Variants in DENND3 observed in about 807,000 individuals in gnomAD.
The protein encoded by DENND3 is DENN domain containing 3.
In DENND3, 88 loss-of-function variants were observed where a neutral mutation model predicts 135.1. The observed-to-expected ratio is 0.65, with a 90% confidence interval of 0.55 to 0.78. DENND3 has a LOEUF of 0.78. Among genes scored for constraint, DENND3 ranks in the 30% least tolerant of loss-of-function variants. The pLI, the probability that DENND3 is intolerant of heterozygous loss-of-function variation, is 0.00. For missense variants in DENND3, 1,392 were observed against 1,688.4 expected, an observed-to-expected ratio of 0.82 and a Z score of 3.08; for synonymous variants, 693 against 712.3, an observed-to-expected ratio of 0.97 and a Z score of 0.43.
intron 8 of DENND3, chr8:141,158,079 T>C (rs570766360): frequency 1.6e-6 from 2 of 1,232,840 alleles, no homozygotes; most frequent in Admixed American, 2.9e-5. Flanking sequence ...CCTTTATTAT[T>C]GTTCTTGCAT....
At chr8:141,184,557 A>G (rs190125651) in intron 17 of DENND3, 2 of 152,332 alleles carry the variant, frequency 1.3e-5, no homozygotes, top group Non-Finnish European at 2.9e-5. Context: ...ACAAGAGGGC[A>G]TGGGGATGGC....
intron 4 of DENND3, among the ~76,000 whole-genome samples, chr8:141,143,264 G>GT (rs200310762): frequency 2.0e-5 from 3 of 152,024 alleles, no homozygotes; most frequent in Non-Finnish European, 2.9e-5. Flanking sequence ...AGTATGGGTA[G>GT]TTTTTTTTAA....
intron 16 of DENND3, among the ~76,000 whole-genome samples, chr8:141,180,221 C>T (rs1403329938): frequency 4.6e-5 from 7 of 152,228 alleles, no homozygotes; most frequent in Non-Finnish European, 1.0e-4. Flanking sequence ...TCTCATGATG[C>T]TCCACATCCC....
chr8:141,171,755 T>A (rs1380605621), intron 13 of DENND3, among the ~76,000 whole-genome samples: 1 of 150,896 alleles, frequency 6.6e-6, no homozygotes, highest in Admixed American at 6.6e-5. Context: ...TAGCCATAGG[T>A]GTGCACAGCG....
chr8:141,190,459 C>G lies in DENND3; in HGVS notation c.3379+42C>G, dbSNP rs188271885. The G allele has an allele frequency of 8.1e-4, 1,260 of 1,555,626 alleles. 11 individuals carry two copies. The African/African-American group carries it at 0.016, about 19-fold the overall frequency. The stretch of plus-strand genomic sequence containing the variant: ...CCATCAGAGCGGGCACCCTACCTCC[C>G]TGCTCTGGGAAAAGGATGCTGAACG... On this transcript the variant is annotated intron_variant, in intron 20 of 22. Coordinates refer to ENST00000519811, the MANE Select transcript of DENND3 (RefSeq NM_001352890.3).
chr8:141,191,978 C>T (rs1447404038), intron 20 of DENND3: 2 of 187,246 alleles, frequency 1.1e-5, no homozygotes, highest in East Asian at 2.7e-4. Flanking sequence ...TATGATACTG[C>T]TTCATGGATA....
At chr8:141,193,010 C>A (rs1824981569) in intron 22 of DENND3, 12 of 768,666 alleles carry the variant, frequency 1.6e-5, no homozygotes, top group Non-Finnish European at 2.2e-5. Flanking sequence ...GCACTCCAGG[C>A]CCTTCTCTCC....
chr8:141,183,287 T>G (rs1340057628), intron 17 of DENND3, among the ~76,000 whole-genome samples: 1 of 152,198 alleles, frequency 6.6e-6, no homozygotes, highest in Non-Finnish European at 1.5e-5. Flanking sequence ...GGTCTGACTC[T>G]GTCACCCAGG....
chr8:141,175,784 C>T lies in DENND3; in HGVS notation c.2535+325C>T, dbSNP rs893341154. On this transcript the variant is annotated intron_variant, in intron 14 of 22. Transcript: ENST00000519811. This position sits in a 1 kb window ranked among gnomAD's most constrained non-coding sequence, Gnocchi z 5.4. ...CTCATTAGGGACAGTAGGACGCCTT[C>T]GTTCATCCATGAGATGTTTACTGAG... The T allele has an allele frequency of 2.7e-6, 1 of 376,410 alleles. No homozygotes were observed. Among genetic ancestry groups the T allele is most frequent in the South Asian group, 2.4e-5 (1 of 41,694 alleles). 23.3% of individuals were successfully genotyped at this position (376,410 alleles called of 1,614,324 possible).
chr8:141,160,099 G>A (rs932074431), intron 8 of DENND3, among the ~76,000 whole-genome samples: 1 of 152,110 alleles, frequency 6.6e-6, no homozygotes, highest in Admixed American at 6.5e-5. Flanking sequence ...CCTGGGTGAA[G>A]TGTGCATAGT....
chr8:141,175,564 C>A lies in DENND3; in HGVS notation c.2535+105C>A. On this transcript the variant is annotated intron_variant, in intron 14 of 22. Coordinates refer to ENST00000519811, the MANE Select transcript of DENND3 (RefSeq NM_001352890.3). This position sits in a 1 kb window ranked among gnomAD's most constrained non-coding sequence, Gnocchi z 5.4. ...TGCCAGCCATGCCAAGTACCAGCTG[C>A]AGCCCTTCTGCAGACCGAATGCCTT... 1 of 1,576,072 alleles carries A rather than the reference C, an allele frequency of 6.3e-7. No homozygotes were observed. The highest frequency in any genetic ancestry group is 8.7e-7 in the Non-Finnish European group (1 of 1,154,176).
chr8:141,184,948 G>C, intron 17 of DENND3, 191 bp from the exon 18 acceptor site: 1 of 613,424 alleles, frequency 1.6e-6, no homozygotes, highest in Non-Finnish European at 2.7e-6. Context: ...TCACCAGCCA[G>C]CTGCCCCCCT....
intron 5 of DENND3, among the ~76,000 whole-genome samples, chr8:141,147,061 A>G (rs543121313): frequency 2.2e-4 from 34 of 152,230 alleles, no homozygotes; most frequent in African/African-American, 8.2e-4. Context: ...CGGCTCCTTC[A>G]TCTCGACGCA....
intron 5 of DENND3, among the ~76,000 whole-genome samples, chr8:141,145,855 T>TC (rs1425849874): frequency 9.5e-6 from 1 of 105,388 alleles, no homozygotes; most frequent in East Asian, 2.5e-4. Flanking sequence ...ATATATGTAT[T>TC]TTTTTTTTTT....
chr8:141,177,962 GA>G, intron 15 of DENND3, 104 bp from the exon 16 acceptor site: 2 of 1,407,250 alleles, frequency 1.4e-6, no homozygotes, highest in Non-Finnish European at 1.9e-6. Context: ...TGTCACTTTG[GA>G]AAAAGGCATT....
Position 141,166,875 on chromosome 8 carries a change from G to A in DENND3, c.1753+486G>A, listed in dbSNP as rs114416028. On this transcript the variant is annotated intron_variant, in intron 12 of 22. Coordinates refer to ENST00000519811, the MANE Select transcript of DENND3 (RefSeq NM_001352890.3). The surrounding 1 kb of genome is among the most constrained non-coding windows in gnomAD (Gnocchi z 4.3). ...TGACTGTGGTTGGGACATTTCCACA[G>A]AGATGGGACTGCATGGAGAGGCCAA... is the stretch of plus-strand genomic sequence containing the variant. Among the ~76,000 whole-genome samples the A allele has an allele frequency of 3.3e-4, 50 of 152,342 alleles. No individual in the cohort carries two copies. Among genetic ancestry groups the A allele is most frequent in the African/African-American group, 1.1e-3 (47 of 41,584 alleles).
rs1820923430 is a variant in DENND3 at position 141,167,226 on chromosome 8, G to A, written c.1754-778G>A. ...CCGAGCCTTCTGCCCCTGGCTGTGTGACCCTGGGCAGGCAGCTTCACCTCC... is the reference window on the plus strand; with the variant it reads ...CCGAGCCTTCTGCCCCTGGCTGTGTAACCCTGGGCAGGCAGCTTCACCTCC... On this transcript the variant is annotated intron_variant, in intron 12 of 22. Transcript: ENST00000519811. The surrounding 1 kb of genome is among the most constrained non-coding windows in gnomAD (Gnocchi z 4.1). Among the ~76,000 whole-genome samples the A allele has an allele frequency of 6.6e-6, 1 of 152,182 alleles. No individual in the cohort carries two copies. Among genetic ancestry groups the A allele is most frequent in the African/African-American group, 2.4e-5 (1 of 41,432 alleles).
At chr8:141,190,019 C>T (rs776278828) in intron 19 of DENND3, among the ~76,000 whole-genome samples, 2 of 152,146 alleles carry the variant, frequency 1.3e-5, no homozygotes, top group African/African-American at 2.4e-5. Context: ...GTGGGCGTCC[C>T]GAGAAACCCG....
intron 18 of DENND3, among the ~76,000 whole-genome samples, chr8:141,186,864 C>T (rs529868400): frequency 6.6e-5 from 10 of 152,256 alleles, no homozygotes; most frequent in Middle Eastern, 3.4e-3. Flanking sequence ...CCTGTTTGCC[C>T]GTCAGCGCTG....
Sources: gnomAD v4.1 joint callset for allele counts (sites outside exome capture counted in the v4.1 genomes callset) on GRCh38, gnomAD v4.1.1 for gene constraint, Gnocchi (gnomAD v3.1) non-coding constraint, MANE v1.5 for transcripts, NCBI Gene and HGNC (gene_info 2026-07-23, HGNC 2026-07-21) for gene names.